Variants in PTPRD observed in about 807,000 individuals in gnomAD.
The protein encoded by PTPRD is receptor-type tyrosine-protein phosphatase delta.
PTPRD carries 34 observed loss-of-function variants against 214.5 expected under a neutral mutation model. That is an observed-to-expected ratio of 0.16 (90% CI 0.12 to 0.21). PTPRD has a LOEUF of 0.21. PTPRD is among the 10% of genes least tolerant of loss of function. The probability of loss-of-function intolerance (pLI) is 1.00; values close to 1 mark genes in which losing one functional copy is unlikely to be tolerated. For missense variants in PTPRD, 2,545 were observed against 2,398.7 expected, an observed-to-expected ratio of 1.06 and a Z score of -1.27; for synonymous variants, 1,128 against 845.7, an observed-to-expected ratio of 1.33 and a Z score of -5.79.
At chr9:10,254,621 T>C (rs2093083696) in intron 3 of PTPRD, among the ~76,000 whole-genome samples, 1 of 152,142 alleles carries the variant, frequency 6.6e-6, no homozygotes, top group Non-Finnish European at 1.5e-5. Flanking sequence ...ATCTTTGCAG[T>C]CCTCACATTA....
intron 34 of PTPRD, among the ~76,000 whole-genome samples, chr9:8,444,034 T>C (rs1160161993): frequency 6.6e-6 from 1 of 152,024 alleles, no homozygotes; most frequent in Admixed American, 6.5e-5. Context: ...TTTTGAAAAG[T>C]CTGTAATTGG....
intron 2 of PTPRD, among the ~76,000 whole-genome samples, chr9:10,379,004 T>A (rs2097775218): frequency 1.3e-5 from 2 of 152,048 alleles, no homozygotes; most frequent in Admixed American, 1.3e-4. Context: ...CTTGATGTTT[T>A]ATAGTTTTCA....
chr9:9,837,528 G>C (rs1410610108), intron 5 of PTPRD, among the ~76,000 whole-genome samples: 1 of 152,104 alleles, frequency 6.6e-6, no homozygotes, highest in Non-Finnish European at 1.5e-5. Flanking sequence ...GCTGAAGATA[G>C]AGGGGTATGT....
intron 10 of PTPRD, among the ~76,000 whole-genome samples, chr9:9,118,078 C>T (rs2099814054): frequency 1.3e-5 from 2 of 152,226 alleles, no homozygotes; most frequent in South Asian, 4.1e-4. Flanking sequence ...AAATCAGCTT[C>T]TGGCAGGTTG....
intron 4 of PTPRD, among the ~76,000 whole-genome samples, chr9:10,008,993 CTGAT>C (rs33925277): frequency 0.15 from 22,580 of 151,102 alleles, 2,013 homozygotes; most frequent in African/African-American, 0.24. Context: ...CTTTTTTTCT[CTGAT>C]TGCTTATTGA....
intron 3 of PTPRD, among the ~76,000 whole-genome samples, chr9:10,069,529 A>G (rs927145333): frequency 3.3e-5 from 5 of 152,036 alleles, no homozygotes; most frequent in African/African-American, 1.2e-4. Context: ...TCTAGAGAAA[A>G]TAATGCTTTT....
intron 13 of PTPRD, among the ~76,000 whole-genome samples, chr9:8,636,246 T>C (rs1013451519): frequency 1.3e-5 from 2 of 152,198 alleles, no homozygotes; most frequent in African/African-American, 4.8e-5. Flanking sequence ...GGGACTGTCC[T>C]CATTCCCAGA....
chr9:9,289,884 T>G (rs1259434952), intron 9 of PTPRD, among the ~76,000 whole-genome samples: 1 of 151,766 alleles, frequency 6.6e-6, no homozygotes, highest in East Asian at 2.0e-4. Context: ...TGCTTCCATA[T>G]CTTAGCTATT....
At chr9:9,567,999 C>T (rs149620431) in intron 8 of PTPRD, among the ~76,000 whole-genome samples, 8 of 151,518 alleles carry the variant, frequency 5.3e-5, no homozygotes, top group East Asian at 1.9e-4. Flanking sequence ...CCTATAATTA[C>T]GGCAGACATC....
intron 5 of PTPRD, among the ~76,000 whole-genome samples, chr9:9,877,889 C>T (rs2067348290): frequency 6.9e-6 from 1 of 145,414 alleles, no homozygotes; most frequent in Non-Finnish European, 1.5e-5. Context: ...AGGAGAATTG[C>T]TTTACCCCGG....
intron 14 of PTPRD, among the ~76,000 whole-genome samples, chr9:8,556,106 C>T (rs545005663): frequency 2.8e-4 from 43 of 152,340 alleles, no homozygotes; most frequent in East Asian, 9.7e-4. Flanking sequence ...CAAGCTCTCT[C>T]GCCCTGCTTA....
intron 10 of PTPRD, among the ~76,000 whole-genome samples, chr9:9,101,350 G>A (rs1305217377): frequency 6.6e-6 from 1 of 152,116 alleles, no homozygotes; most frequent in East Asian, 1.9e-4. Flanking sequence ...ATTAATTATA[G>A]ACAGATGATG....
chr9:9,815,264 G>C (rs2048400724), intron 5 of PTPRD, among the ~76,000 whole-genome samples: 1 of 152,080 alleles, frequency 6.6e-6, no homozygotes, highest in African/African-American at 2.4e-5. Context: ...ATTCACAATG[G>C]AGAAAGGACA....
chr9:9,286,171 A>G (rs1949293140), intron 9 of PTPRD, among the ~76,000 whole-genome samples: 1 of 151,886 alleles, frequency 6.6e-6, no homozygotes, highest in Non-Finnish European at 1.5e-5. Context: ...ATAATAGCCA[A>G]TTAATTCTAC....
intron 4 of PTPRD, among the ~76,000 whole-genome samples, chr9:9,997,583 C>G (rs2096171001): frequency 6.6e-6 from 1 of 152,106 alleles, no homozygotes; most frequent in Admixed American, 6.5e-5. Context: ...GCCACCGTGC[C>G]TGGCCAACAT....
intron 8 of PTPRD, among the ~76,000 whole-genome samples, chr9:9,469,911 C>A (rs1464271255): frequency 2.0e-5 from 3 of 152,080 alleles, no homozygotes; most frequent in African/African-American, 7.2e-5. Context: ...AGGAATCATT[C>A]TCAGGCTATG....
chr9:8,335,285 T>C (rs1452484181), intron 43 of PTPRD, among the ~76,000 whole-genome samples: 1 of 151,552 alleles, frequency 6.6e-6, no homozygotes, highest in African/African-American at 2.4e-5. Flanking sequence ...ATCAAAAAGC[T>C]TATCCACCAC....
intron 6 of PTPRD, among the ~76,000 whole-genome samples, chr9:9,749,919 T>A (rs2098499745): frequency 6.6e-6 from 1 of 152,188 alleles, no homozygotes; most frequent in South Asian, 2.1e-4. Flanking sequence ...CAGCAGTATT[T>A]TTTCACTGCC....
At chr9:9,937,510 A>T (rs2089979386) in intron 5 of PTPRD, among the ~76,000 whole-genome samples, 1 of 151,832 alleles carries the variant, frequency 6.6e-6, no homozygotes, top group Non-Finnish European at 1.5e-5. Flanking sequence ...TGGGCTATTT[A>T]TGACTATAAA....
Sources: allele counts gnomAD v4.1 joint callset (sites outside exome capture counted in the v4.1 genomes callset), GRCh38; gene constraint gnomAD v4.1.1; transcripts MANE v1.5; gene names NCBI Gene and HGNC (gene_info 2026-07-23, HGNC 2026-07-21).